The following VTI1A variants were observed in gnomAD, a reference collection of about 807,000 sequenced individuals.
VTI1A encodes vesicle transport through interaction with t-SNAREs 1A, also known as vesicle transport through interaction with t-SNAREs homolog 1A.
In VTI1A, 22 loss-of-function variants were observed where a neutral mutation model predicts 34.9. The observed-to-expected ratio is 0.63, with a 90% CI of 0.45 to 0.90. The LOEUF is 0.90. Ranked by LOEUF, VTI1A falls within the 40% of genes least tolerant of loss-of-function variation. VTI1A has a pLI of 0.00. For synonymous variants in VTI1A, 87 were observed against 97.3 expected, an observed-to-expected ratio of 0.89 and a Z score of 0.62; for missense variants, 268 against 275.6, an observed-to-expected ratio of 0.97 and a Z score of 0.20.
chr10:112,748,695 G>A (rs1375092579), intron 7 of VTI1A, among the ~76,000 whole-genome samples: 4 of 139,872 alleles, frequency 2.9e-5, no homozygotes, highest in East Asian at 2.1e-4. Context: ...GCGCGATCTC[G>A]GCTCACTGCA....
intron 7 of VTI1A, among the ~76,000 whole-genome samples, chr10:112,798,980 C>T (rs1378115894): frequency 1.3e-5 from 2 of 152,206 alleles, no homozygotes; most frequent in African/African-American, 4.8e-5. Context: ...TGGTCCAGCC[C>T]TGATCTCTGC....
At chr10:112,755,910 G>T (rs779648035) in intron 7 of VTI1A, among the ~76,000 whole-genome samples, 2 of 152,136 alleles carry the variant, frequency 1.3e-5, no homozygotes, top group Non-Finnish European at 2.9e-5. Context: ...AACAGACAGC[G>T]AGATGATCTG....
intron 4 of VTI1A, among the ~76,000 whole-genome samples, chr10:112,528,921 A>T (rs991771172): frequency 9.9e-5 from 15 of 152,144 alleles, no homozygotes; most frequent in African/African-American, 3.4e-4. Context: ...TATGCCTAAA[A>T]CATTTGCCTT....
chr10:112,683,957 C>T (rs1245220169), intron 7 of VTI1A, among the ~76,000 whole-genome samples: 2 of 151,816 alleles, frequency 1.3e-5, no homozygotes, highest in African/African-American at 2.4e-5. Context: ...GCAGGAGAAC[C>T]GCTTGAACCC....
intron 5 of VTI1A, among the ~76,000 whole-genome samples, chr10:112,641,269 A>C (rs1846561468): frequency 6.6e-6 from 1 of 152,172 alleles, no homozygotes; most frequent in South Asian, 2.1e-4. Flanking sequence ...TGCAGGCCCC[A>C]GTGATCCCAC....
At chr10:112,572,707 G>A (rs1020162588) in intron 5 of VTI1A, among the ~76,000 whole-genome samples, 15 of 150,474 alleles carry the variant, frequency 1.0e-4, no homozygotes, top group East Asian at 1.9e-4. Context: ...GCGCGGTGGC[G>A]GGCGCCTGTA....
Position 112,575,763 on chromosome 10 carries a change from C to G in VTI1A, c.427+37433C>G, listed in dbSNP as rs148940074. ...AACATTCATAAAATCATTTCATTGT[C>G]TTTTTAATTTTCTCAGCAGCATTGG... On this transcript the variant is annotated intron_variant, in intron 5 of 7. Coordinates refer to ENST00000393077, the MANE Select transcript of VTI1A (RefSeq NM_145206.4). Among the ~76,000 whole-genome samples the G allele has an allele frequency of 5.5e-3, 830 of 152,218 alleles. 12 individuals carry two copies. The highest frequency in any genetic ancestry group is 0.019 in the African/African-American group (805 of 41,556).
chr10:112,522,201 C>G (rs990397033), intron 3 of VTI1A, among the ~76,000 whole-genome samples: 3 of 152,008 alleles, frequency 2.0e-5, no homozygotes, highest in Non-Finnish European at 2.9e-5. Flanking sequence ...GCTATGAAAG[C>G]ATGCAATTTT....
intron 5 of VTI1A, among the ~76,000 whole-genome samples, chr10:112,561,426 G>T (rs985189447): frequency 2.6e-5 from 4 of 152,154 alleles, no homozygotes; most frequent in African/African-American, 9.7e-5. Flanking sequence ...TTTGTAACAA[G>T]AAGTAGGCAG....
intron 5 of VTI1A, among the ~76,000 whole-genome samples, chr10:112,566,610 T>G (rs1409170301): frequency 1.3e-5 from 2 of 152,182 alleles, no homozygotes; most frequent in African/African-American, 4.8e-5. Flanking sequence ...AAGTGAGATA[T>G]TTCTCTCTAC....
At chr10:112,707,714 G>A (rs72824030) in intron 7 of VTI1A, among the ~76,000 whole-genome samples, 2,555 of 152,076 alleles carry the variant, frequency 0.017, 29 homozygotes, top group Middle Eastern at 0.031. Flanking sequence ...TGTTTTATTG[G>A]CATTTAAGTT....
At chr10:112,689,726 AT>A (rs891524589) in intron 7 of VTI1A, among the ~76,000 whole-genome samples, 1 of 151,772 alleles carries the variant, frequency 6.6e-6, no homozygotes. Context: ...TGGCCTACAG[AT>A]TTTTTTACTT....
chr10:112,652,536 C>A (rs1190284366), intron 5 of VTI1A, among the ~76,000 whole-genome samples: 1 of 151,960 alleles, frequency 6.6e-6, no homozygotes, highest in Non-Finnish European at 1.5e-5. Flanking sequence ...GCCTGGGCAA[C>A]ATGACAAAAC....
chr10:112,488,364 A>G (rs756126074), intron 3 of VTI1A, among the ~76,000 whole-genome samples: 7 of 152,222 alleles, frequency 4.6e-5, no homozygotes, highest in Non-Finnish European at 8.8e-5. Flanking sequence ...ATAATTGTCC[A>G]ACTAGCTATT....
intron 3 of VTI1A, among the ~76,000 whole-genome samples, chr10:112,482,383 T>A (rs565723803): frequency 6.6e-6 from 1 of 152,312 alleles, no homozygotes; most frequent in East Asian, 1.9e-4. Flanking sequence ...TTTCTATGTG[T>A]CTAGAAGTAG....
chr10:112,474,358 G>A (rs530211688), intron 3 of VTI1A, among the ~76,000 whole-genome samples: 50 of 150,884 alleles, frequency 3.3e-4, no homozygotes, highest in African/African-American at 1.2e-3. Flanking sequence ...CGGCAACTAT[G>A]ACCTTTAAGA....
intron 3 of VTI1A, among the ~76,000 whole-genome samples, chr10:112,523,041 A>G (rs563417116): frequency 6.6e-6 from 1 of 152,156 alleles, no homozygotes; most frequent in South Asian, 2.1e-4. Flanking sequence ...ACTCTATTTC[A>G]CATGTAGAAT....
intron 3 of VTI1A, among the ~76,000 whole-genome samples, chr10:112,518,385 G>A (rs1289074600): frequency 6.6e-6 from 1 of 151,772 alleles, no homozygotes; most frequent in Admixed American, 6.6e-5. Flanking sequence ...CATAAAGAGA[G>A]GATGGCATTT....
chr10:112,509,212 T>C (rs369904248), intron 3 of VTI1A, among the ~76,000 whole-genome samples: 3 of 152,352 alleles, frequency 2.0e-5, no homozygotes, highest in South Asian at 2.1e-4. Flanking sequence ...ATTGCTGTTT[T>C]ATTAACTTTA....
Sources: allele counts gnomAD v4.1 joint callset (sites outside exome capture counted in the v4.1 genomes callset), GRCh38; gene constraint gnomAD v4.1.1; transcripts MANE v1.5; gene names NCBI Gene and HGNC (gene_info 2026-07-23, HGNC 2026-07-21).